The following RUNX3 variants were observed in gnomAD, a reference collection of about 807,000 sequenced individuals.
RUNX3 encodes runt-related transcription factor 3.
In RUNX3, 10 loss-of-function variants were observed where a neutral mutation model predicts 27.7. That is an observed-to-expected ratio of 0.36 (90% CI 0.22 to 0.61). RUNX3 has a LOEUF of 0.61. RUNX3 is among the 20% of genes least tolerant of loss of function. The pLI, the probability that RUNX3 is intolerant of heterozygous loss-of-function variation, is 0.72. For synonymous variants in RUNX3, 270 were observed against 269.2 expected (o/e 1.00, Z -0.03); for missense variants, 469 against 629.5 (o/e 0.75, Z 2.73).
At chr1:24,903,447 G>C (rs549198742) in intron 4 of RUNX3, among the ~76,000 whole-genome samples, 39 of 152,344 alleles carry the variant, frequency 2.6e-4, no homozygotes, top group African/African-American at 8.9e-4. Context: ...TGGGGACCCA[G>C]ACCCCAACCT....
Position 24,900,629 on chromosome 1 carries a change from T to A in RUNX3, c.*1493A>T, listed in dbSNP as rs920240725. 2.0e-5 allele frequency: 3 copies of A among 152,388 alleles called. No individual in the cohort carries two copies. The highest frequency in any genetic ancestry group is 2.9e-5 in the Non-Finnish European group (2 of 68,070). 9.4% of individuals were successfully genotyped at this position (152,388 alleles called of 1,614,324 possible). On this transcript the variant is annotated 3_prime_UTR_variant, in exon 5 of 5. Transcript: ENST00000308873. ...GCTGCGGCTGGAGAGCCCTTTACAG[T>A]GCTTCTGTCCTGCCACGCACAGCCA...
At position 24,902,580 on chromosome 1, in the gene RUNX3, G is replaced by T. The variant is rs759924278; in HGVS notation, c.790C>A (p.Pro264Thr). 1 of 1,567,146 alleles carries T rather than the reference G, an allele frequency of 6.4e-7. No individual in the cohort carries two copies. The highest frequency in any genetic ancestry group is 8.7e-7 in the Non-Finnish European group (1 of 1,150,980). The change falls in exon 5 of 5, where the codon CCA becomes ACA. Residue 264 changes from proline (P) to threonine (T), a missense_variant. This residue lies in a region of RUNX3 where 279 missense variants were observed against 343.0 expected (regional missense o/e 0.81). Transcript: ENST00000308873. This position sits in a 1 kb window ranked among gnomAD's most constrained non-coding sequence, Gnocchi z 9.2. ...TLPTLTESRF[P>T]DPRMHYPGAM... is the part of the protein sequence containing the mutation. ...CCGGGATAATGCATCCTGGGGTCTG[G>T]GAAGCGGCTCTCCGTGAGGGTTGGC... is the stretch of plus-strand genomic sequence containing the variant.
At chr1:24,960,604 G>C (rs1396978319) in intron 2 of RUNX3, among the ~76,000 whole-genome samples, 1 of 152,204 alleles carries the variant, frequency 6.6e-6, no homozygotes, top group East Asian at 1.9e-4. Context: ...CCCACTGCCA[G>C]TGTCCCTGGT....
In RUNX3 at chr1:24,900,239, CAAGAG is replaced by C. The variant is rs1416519333; in HGVS notation, c.*1878_*1882del. The C allele has an allele frequency of 6.6e-6, 1 of 152,290 alleles. No homozygotes were observed. Among genetic ancestry groups the C allele is most frequent in the Non-Finnish European group, 1.5e-5 (1 of 68,088 alleles). The allele number at this position is 152,290 out of a possible 1,614,324, so 9.4% of individuals were successfully genotyped here. On this transcript the variant is annotated 3_prime_UTR_variant, in exon 5 of 5. Coordinates refer to ENST00000308873, the MANE Select transcript of RUNX3 (RefSeq NM_004350.3). ...GACTGTTTTTCCAGTGAGGACAGGCCAAGAGAAACCGCAGCAGGAGGGAATGGAAT... is the reference window on the plus strand; with the variant it reads ...GACTGTTTTTCCAGTGAGGACAGGCCAAACCGCAGCAGGAGGGAATGGAAT...
At position 24,949,143 on chromosome 1, in the gene RUNX3, A is replaced by ACGGG. The variant is rs1641692174; in HGVS notation, c.58+15367_58+15370dup. Among the ~76,000 whole-genome samples, 2 of 151,998 alleles carry ACGGG rather than the reference A, an allele frequency of 1.3e-5. 1 individual carries two copies. Among genetic ancestry groups the ACGGG allele is most frequent in the African/African-American group, 4.8e-5 (2 of 41,352 alleles). ...ATTCCCACATACTGGAGCATTTCCC[A>ACGGG]CGGGCGGCTGTGGAGCTGAGCACTT... On this transcript the variant is annotated intron_variant, in intron 2 of 6. Transcript: ENST00000338888.
intron 2 of RUNX3, among the ~76,000 whole-genome samples, chr1:24,948,346 G>T (rs1329938191): frequency 6.6e-6 from 1 of 152,214 alleles, no homozygotes; most frequent in Non-Finnish European, 1.5e-5. Context: ...GTATGCTTGT[G>T]TGAGGGTGGT....
At chr1:24,919,510 T>C (rs1640954100) in intron 2 of RUNX3, 166 bp from the exon 3 acceptor site, 2 of 520,500 alleles carry the variant, frequency 3.8e-6, no homozygotes, top group Admixed American at 3.8e-5. Flanking sequence ...GTTCAAGCTC[T>C]TGGGCTTGGC....
At chr1:24,944,658 G>A (rs1641560188) in intron 2 of RUNX3, among the ~76,000 whole-genome samples, 1 of 152,232 alleles carries the variant, frequency 6.6e-6, no homozygotes, top group African/African-American at 2.4e-5. Flanking sequence ...GAGATGGGGT[G>A]TGGAAACTGA....
chr1:24,926,567 G>GGT (rs1176163794), intron 2 of RUNX3, among the ~76,000 whole-genome samples: 2 of 152,188 alleles, frequency 1.3e-5, no homozygotes, highest in Non-Finnish European at 2.9e-5. Context: ...CGGCTGGAAA[G>GGT]GAAAAAATGG....
At position 24,907,287 on chromosome 1, in the gene RUNX3, GAA is replaced by G; in HGVS notation, c.673_674del (p.Phe225GlnfsTer24). ...GGATTGGGGTCTGGGGCTGGCTGCT[GAA>G]GTGGCTTGTGGTGCTGAGTGAGCCT... ...PRGSLSTTSHFSSQPQTPIQG... is the reference protein window; with the variant it reads ...PRGSLSTTSHXSSQPQTPIQG... On this transcript the variant is annotated frameshift_variant, in exon 4 of 5. Coordinates refer to ENST00000308873, the MANE Select transcript of RUNX3 (RefSeq NM_004350.3). LOFTEE classifies it high-confidence loss of function. 1 of 1,612,248 alleles carries G rather than the reference GAA, an allele frequency of 6.2e-7. No homozygotes were observed. Among genetic ancestry groups the G allele is most frequent in the Non-Finnish European group, 8.5e-7 (1 of 1,179,994 alleles).
rs1463143343 is a variant in RUNX3 at position 24,923,208 on chromosome 1, A to G, written c.440-3864T>C. 6.6e-6 allele frequency among the ~76,000 whole-genome samples: 1 copy of G among 151,610 alleles called. No individual in the cohort carries two copies. Among genetic ancestry groups the G allele is most frequent in the Admixed American group, 6.6e-5 (1 of 15,206 alleles). On this transcript the variant is annotated intron_variant, in intron 2 of 4. Transcript: ENST00000308873. The surrounding 1 kb of genome is among the most constrained non-coding windows in gnomAD (Gnocchi z 5.9). ...TCCACCAGCTTCCACGCCTGTCACC[A>G]CCCCTCCCAGGTACAAAGGAGAGGA...
intron 3 of RUNX3, among the ~76,000 whole-genome samples, chr1:24,912,581 A>T (rs1211103451): frequency 2.0e-5 from 3 of 151,948 alleles, no homozygotes; most frequent in Non-Finnish European, 4.4e-5. Flanking sequence ...GAAATCATCA[A>T]AACGGCAGCA....
Position 24,929,916 on chromosome 1 carries a change from C to T in RUNX3, c.-48G>A. The T allele has an allele frequency of 8.1e-7, 1 of 1,231,422 alleles. No individual in the cohort carries two copies. The highest frequency in any genetic ancestry group is 3.8e-5 in the South Asian group (1 of 26,640). The allele number at this position is 1,231,422 out of a possible 1,614,324, so 76.3% of individuals were successfully genotyped here. On this transcript the variant is annotated 5_prime_UTR_variant, in exon 1 of 5. Coordinates refer to ENST00000308873, the MANE Select transcript of RUNX3 (RefSeq NM_004350.3). The stretch of plus-strand genomic sequence containing the variant: ...GGCAGGCGGAGACGGCGCGGCTTCC[C>T]CCGGGGGCGGCCGGCGCGGGCGCCT...
At chr1:24,905,475 T>C (rs1378136074) in intron 4 of RUNX3, among the ~76,000 whole-genome samples, 1 of 152,112 alleles carries the variant, frequency 6.6e-6, no homozygotes, top group Non-Finnish European at 1.5e-5. Context: ...CCCAGTGCTG[T>C]GGGGGGCTAG....
intron 2 of RUNX3, among the ~76,000 whole-genome samples, chr1:24,958,274 T>G (rs1642000033): frequency 6.6e-6 from 1 of 152,200 alleles, no homozygotes; most frequent in Non-Finnish European, 1.5e-5. Flanking sequence ...AATTAACATG[T>G]CAGGTCACCC....
Position 24,907,428 on chromosome 1 carries a change from C to T in RUNX3, c.545-11G>A. ...GCTTCTGCCGGTGCCCTGCAGAGCACAGGAAGCCCATCAGCCGTTGCTTCC... is the reference window on the plus strand; with the variant it reads ...GCTTCTGCCGGTGCCCTGCAGAGCATAGGAAGCCCATCAGCCGTTGCTTCC... On this transcript the variant is annotated splice_polypyrimidine_tract_variant and intron_variant, in intron 3 of 4. Transcript: ENST00000308873. The T allele has an allele frequency of 1.9e-6, 3 of 1,606,080 alleles. No homozygotes were observed. Among genetic ancestry groups the T allele is most frequent in the Non-Finnish European group, 2.6e-6 (3 of 1,174,650 alleles).
At chr1:24,930,470 C>T (rs2124310748), upstream of RUNX3, among the ~76,000 whole-genome samples, 1 of 151,994 alleles carries the variant, frequency 6.6e-6, no homozygotes, top group Non-Finnish European at 1.5e-5. The surrounding 1 kb of genome is among the most constrained non-coding windows in gnomAD (Gnocchi z 4.1). Context: ...GAGGAGGCCC[C>T]AGTGCCACAG....
rs1319580103 is a variant in RUNX3 at position 24,951,701 on chromosome 1, G to A, written c.58+12813C>T. 3.3e-5 allele frequency among the ~76,000 whole-genome samples: 5 copies of A among 152,204 alleles called. No individual in the cohort carries two copies. The East Asian group carries it at 5.8e-4, about 18-fold the overall frequency. On this transcript the variant is annotated intron_variant, in intron 2 of 6. Coordinates refer to the RUNX3 transcript ENST00000338888. ...AGGATGCTCCTTGACCTGAGGAAAC[G>A]TCCATTAATTCATAGCTACTGTGCT...
chr1:24,909,492 G>C (rs1640756183), intron 3 of RUNX3, among the ~76,000 whole-genome samples: 1 of 152,142 alleles, frequency 6.6e-6, no homozygotes, highest in African/African-American at 2.4e-5. Flanking sequence ...CTGCAAAATG[G>C]GGACAGTAAT....
Sources: gnomAD v4.1 joint callset for allele counts (sites outside exome capture counted in the v4.1 genomes callset) on GRCh38, gnomAD v4.1.1 for gene constraint, gnomAD v4.1.1 regional missense constraint, Gnocchi (gnomAD v3.1) non-coding constraint, MANE v1.5 for transcripts, NCBI Gene and HGNC (gene_info 2026-07-23, HGNC 2026-07-21) for gene names.